The following VAV3 variants were observed in gnomAD, a reference collection of about 807,000 sequenced individuals.
VAV3 encodes the protein guanine nucleotide exchange factor VAV3.
Under a neutral mutation model 131.2 loss-of-function variants are expected in VAV3, and 94 were observed. That is an observed-to-expected ratio of 0.72 (90% CI 0.61 to 0.85). The LOEUF (loss-of-function observed/expected upper bound fraction) is 0.85. VAV3 is among the 40% of genes least tolerant of loss of function. The pLI, the probability that VAV3 is intolerant of heterozygous loss-of-function variation, is 0.00. For missense variants in VAV3, 939 were observed against 1,002.7 expected (o/e 0.94, Z 0.86); for synonymous variants, 349 against 342.0 (o/e 1.02, Z -0.22).
At chr1:107,943,869 C>T (rs758383627) in intron 1 of VAV3, among the ~76,000 whole-genome samples, 2 of 152,242 alleles carry the variant, frequency 1.3e-5, no homozygotes, top group African/African-American at 4.8e-5. Context: ...TGTCAAACCC[C>T]TTCCTAAGCC....
chr1:107,732,375 C>T (rs561026143), intron 15 of VAV3, among the ~76,000 whole-genome samples: 3 of 152,160 alleles, frequency 2.0e-5, no homozygotes, highest in East Asian at 3.9e-4. Context: ...ACAGTGGGTG[C>T]GGCCACAGAG....
At chr1:107,898,414 AAGAAAC>A (rs1340077075) in intron 1 of VAV3, among the ~76,000 whole-genome samples, 1 of 152,232 alleles carries the variant, frequency 6.6e-6, no homozygotes, top group Non-Finnish European at 1.5e-5. Flanking sequence ...CAACTCCATG[AAGAAAC>A]AGCAAGTTTC....
At chr1:107,688,944 A>G (rs991122539) in intron 17 of VAV3, among the ~76,000 whole-genome samples, 3 of 152,184 alleles carry the variant, frequency 2.0e-5, no homozygotes, top group Non-Finnish European at 4.4e-5. Flanking sequence ...ACTTAAAAAA[A>G]AACTGAGTCA....
At chr1:107,787,851 T>C (rs1666096666) in intron 2 of VAV3, among the ~76,000 whole-genome samples, 1 of 152,166 alleles carries the variant, frequency 6.6e-6, no homozygotes, top group Non-Finnish European at 1.5e-5. Flanking sequence ...ACTATGGTCC[T>C]GCCGTCTCTG....
At chr1:107,583,314 A>T (rs1181165487) in intron 25 of VAV3, among the ~76,000 whole-genome samples, 3 of 152,174 alleles carry the variant, frequency 2.0e-5, no homozygotes, top group Non-Finnish European at 4.4e-5. Context: ...ACTGAATGCG[A>T]AAAAACTGGA....
At chr1:107,929,309 T>A (rs1193509676) in intron 1 of VAV3, among the ~76,000 whole-genome samples, 2 of 136,352 alleles carry the variant, frequency 1.5e-5, no homozygotes, top group African/African-American at 2.8e-5. Flanking sequence ...AAAAAAAAAT[T>A]ATGCCCTAGA....
chr1:107,906,035 T>C (rs950736602), intron 1 of VAV3, among the ~76,000 whole-genome samples: 2 of 152,148 alleles, frequency 1.3e-5, no homozygotes, highest in African/African-American at 4.8e-5. Flanking sequence ...TGTGCCTATA[T>C]TGTAAAAGAA....
At chr1:107,830,205 C>T (rs1191283727) in intron 2 of VAV3, among the ~76,000 whole-genome samples, 1 of 151,322 alleles carries the variant, frequency 6.6e-6, no homozygotes, top group Non-Finnish European at 1.5e-5. Flanking sequence ...CATAATTACA[C>T]ACTTTTTTTT....
chr1:107,817,272 G>A (rs1174578622), intron 2 of VAV3, among the ~76,000 whole-genome samples: 1 of 152,124 alleles, frequency 6.6e-6, no homozygotes, highest in Non-Finnish European at 1.5e-5. Context: ...CATGCATGCT[G>A]GGCTTGCAGA....
intron 19 of VAV3, among the ~76,000 whole-genome samples, chr1:107,646,219 G>A (rs1250488679): frequency 6.7e-6 from 1 of 149,744 alleles, no homozygotes; most frequent in African/African-American, 2.5e-5. Flanking sequence ...GAAACAGACA[G>A]TCATATTCCT....
chr1:107,704,345 A>C (rs960191788), intron 17 of VAV3, among the ~76,000 whole-genome samples: 3 of 152,206 alleles, frequency 2.0e-5, no homozygotes, highest in Admixed American at 6.5e-5. Flanking sequence ...TATAAAAGTC[A>C]CACAAATTTT....
chr1:107,866,822 CAAAAAA>C lies in VAV3; in HGVS notation c.321+8073_321+8078del, dbSNP rs66866060. On this transcript the variant is annotated intron_variant, in intron 2 of 26. Transcript: ENST00000370056. ...TGGGCAAAAGAGCGAGACTCCATCT[CAAAAAA>C]AAAAAAAAAAAAAAAAAAAATAGGG... 3.3e-3 allele frequency among the ~76,000 whole-genome samples: 195 copies of C among 59,192 alleles called. 3 individuals carry two copies. In the Middle Eastern group the frequency reaches 0.039, roughly 12 times the overall value. The allele number at this position is 59,192 out of a possible 152,430, so 38.8% of individuals were successfully genotyped here.
chr1:107,887,420 T>C (rs1271818559), intron 1 of VAV3, among the ~76,000 whole-genome samples: 1 of 152,224 alleles, frequency 6.6e-6, no homozygotes, highest in Non-Finnish European at 1.5e-5. Flanking sequence ...GTATCAAATA[T>C]CACAAGAATT....
intron 2 of VAV3, among the ~76,000 whole-genome samples, chr1:107,844,284 G>A (rs760904281): frequency 7.9e-5 from 12 of 152,068 alleles, no homozygotes; most frequent in South Asian, 4.1e-4. Flanking sequence ...GGTGCTATCC[G>A]GCCCAGATAC....
At chr1:107,668,960 T>C in intron 19 of VAV3, 3 of 990,836 alleles carry the variant, frequency 3.0e-6, no homozygotes, top group Non-Finnish European at 3.6e-6. Context: ...TCTTCAACTC[T>C]TTCGCGATAC....
At chr1:107,712,054 T>C (rs1412555895) in intron 15 of VAV3, among the ~76,000 whole-genome samples, 1 of 152,174 alleles carries the variant, frequency 6.6e-6, no homozygotes, top group Non-Finnish European at 1.5e-5. Flanking sequence ...TTATTATAAA[T>C]ACACAACCTC....
intron 25 of VAV3, among the ~76,000 whole-genome samples, chr1:107,590,308 A>C (rs1245923414): frequency 1.3e-5 from 2 of 152,170 alleles, no homozygotes; most frequent in Non-Finnish European, 2.9e-5. Context: ...TCTCCTGTGA[A>C]CCTTAGACTC....
intron 21 of VAV3, among the ~76,000 whole-genome samples, chr1:107,613,348 T>C (rs539366589): frequency 1.3e-5 from 2 of 152,242 alleles, no homozygotes; most frequent in East Asian, 3.9e-4. Context: ...TCTCCTTCTA[T>C]TAAATGTATT....
chr1:107,632,095 C>T (rs995014398), intron 20 of VAV3, among the ~76,000 whole-genome samples: 1 of 152,170 alleles, frequency 6.6e-6, no homozygotes, highest in Non-Finnish European at 1.5e-5. Flanking sequence ...GTCCCACCAA[C>T]AGTGTAAAAG....
Sources: allele counts gnomAD v4.1 joint callset (sites outside exome capture counted in the v4.1 genomes callset), GRCh38; gene constraint gnomAD v4.1.1; transcripts MANE v1.5; gene names NCBI Gene and HGNC (gene_info 2026-07-23, HGNC 2026-07-21).